The following CA8 variants were observed in gnomAD, a reference collection of about 807,000 sequenced individuals.
CA8 encodes carbonic anhydrase 8 (inactive).
Under a neutral mutation model 41.4 loss-of-function variants are expected in CA8, and 22 were observed. The observed-to-expected ratio is 0.53, with a 90% CI of 0.38 to 0.76. The LOEUF is 0.76. CA8 is among the 30% of genes least tolerant of loss of function. The pLI, the probability that CA8 is intolerant of heterozygous loss-of-function variation, is 0.00. For missense variants in CA8, 270 were observed against 352.8 expected, an observed-to-expected ratio of 0.77 and a Z score of 1.88; for synonymous variants, 121 against 130.6, an observed-to-expected ratio of 0.93 and a Z score of 0.50.
chr8:60,232,187 C>T, intron 4 of CA8, 97 bp downstream of exon 4: 3 of 876,012 alleles, frequency 3.4e-6, no homozygotes. Context: ...TGTGTAATTT[C>T]ATCTCTAAGC....
intron 7 of CA8, among the ~76,000 whole-genome samples, chr8:60,212,074 C>T (rs1018275057): frequency 9.9e-5 from 15 of 152,108 alleles, no homozygotes; most frequent in Non-Finnish European, 1.6e-4. Flanking sequence ...AAACTGAATG[C>T]GGGGCACCAA....
rs1157305337 is a variant in CA8, at chr8:60,189,800, G to A, written c.*221C>T. On this transcript the variant is annotated 3_prime_UTR_variant, in exon 9 of 9. Coordinates refer to ENST00000317995, the MANE Select transcript of CA8 (RefSeq NM_004056.6). ...CAGTAATGTGGATATATAATATAGG[G>A]TTTCTTTGGAATATACAGCCATTTC... 1 of 152,428 alleles carries A rather than the reference G, an allele frequency of 6.6e-6. No individual in the cohort carries two copies. Among genetic ancestry groups the A allele is most frequent in the African/African-American group, 2.4e-5 (1 of 41,398 alleles). The allele number at this position is 152,428 out of a possible 1,614,324, so 9.4% of individuals were successfully genotyped here.
Position 60,208,769 on chromosome 8 carries a change from T to C in CA8, c.*16A>G, listed in dbSNP as rs779019928. 7.5e-5 allele frequency: 121 copies of C among 1,614,036 alleles called. No individual in the cohort carries two copies. Among genetic ancestry groups the C allele is most frequent in the Non-Finnish European group, 9.8e-5 (116 of 1,180,008 alleles). ...ACATACCCTCATGAAGACAGACTTGTTCCTGTCCTCTTTGGCTACTGAAAT... is the reference window on the plus strand; with the variant it reads ...ACATACCCTCATGAAGACAGACTTGCTCCTGTCCTCTTTGGCTACTGAAAT... On this transcript the variant is annotated 3_prime_UTR_variant, in exon 8 of 9. Coordinates refer to ENST00000317995, the MANE Select transcript of CA8 (RefSeq NM_004056.6).
At chr8:60,280,834 G>A (rs896965326) in intron 1 of CA8, among the ~76,000 whole-genome samples, 5 of 152,210 alleles carry the variant, frequency 3.3e-5, no homozygotes, top group Admixed American at 6.5e-5. Context: ...TGAGAGCGCA[G>A]GCGGCGGAAG....
At chr8:60,259,446 T>G (rs1803658921) in intron 3 of CA8, among the ~76,000 whole-genome samples, 1 of 152,292 alleles carries the variant, frequency 6.6e-6, no homozygotes, top group Admixed American at 6.5e-5. Flanking sequence ...TTGTATATCC[T>G]CAAACAATGG....
intron 4 of CA8, among the ~76,000 whole-genome samples, chr8:60,227,922 A>G (rs969851674): frequency 6.6e-6 from 1 of 152,226 alleles, no homozygotes; most frequent in African/African-American, 2.4e-5. Context: ...AAATCTGACC[A>G]ATTTCCAGTG....
chr8:60,219,032 T>C (rs1437499521), intron 7 of CA8, among the ~76,000 whole-genome samples: 1 of 151,986 alleles, frequency 6.6e-6, no homozygotes, highest in Non-Finnish European at 1.5e-5. Flanking sequence ...AGAAGAGTCT[T>C]AGAAAGGATA....
At chr8:60,274,536 C>G (rs1001611211) in intron 2 of CA8, among the ~76,000 whole-genome samples, 1 of 152,104 alleles carries the variant, frequency 6.6e-6, no homozygotes, top group East Asian at 1.9e-4. Flanking sequence ...AAACTGAATC[C>G]CCAATGCAAC....
intron 3 of CA8, among the ~76,000 whole-genome samples, chr8:60,263,056 C>T (rs372176795): frequency 7.1e-4 from 108 of 152,216 alleles, no homozygotes; most frequent in African/African-American, 2.2e-3. Context: ...AAAAGCTGTT[C>T]CTGGCCAGGC....
At chr8:60,263,283 C>T (rs1803791955) in intron 3 of CA8, among the ~76,000 whole-genome samples, 2 of 148,874 alleles carry the variant, frequency 1.3e-5, no homozygotes, top group African/African-American at 5.0e-5. Context: ...GACTGTGCCA[C>T]TGCACTCTAG....
chr8:60,237,003 C>G (rs1807851767), intron 3 of CA8, among the ~76,000 whole-genome samples: 1 of 152,184 alleles, frequency 6.6e-6, no homozygotes, highest in Non-Finnish European at 1.5e-5. Context: ...ACAAGACTCA[C>G]TTCAAAGCCT....
At chr8:60,197,933 CA>C (rs1199708968) in intron 8 of CA8, among the ~76,000 whole-genome samples, 1 of 152,176 alleles carries the variant, frequency 6.6e-6, no homozygotes, top group Non-Finnish European at 1.5e-5. Flanking sequence ...ACCCAATCAA[CA>C]GTGCAAGCAC....
intron 3 of CA8, among the ~76,000 whole-genome samples, chr8:60,250,987 T>G (rs1167816826): frequency 1.3e-5 from 2 of 152,210 alleles, no homozygotes; most frequent in Non-Finnish European, 2.9e-5. Context: ...TTTATACATA[T>G]ATGGTATACA....
intron 7 of CA8, among the ~76,000 whole-genome samples, chr8:60,216,392 C>A (rs1210713629): frequency 6.6e-6 from 1 of 152,220 alleles, no homozygotes; most frequent in Non-Finnish European, 1.5e-5. Context: ...GCCCTCTGAA[C>A]AGATGCTATG....
chr8:60,201,813 CTTCA>C lies in CA8; in HGVS notation c.*35+6933_*35+6936del, dbSNP rs928633732. Among the ~76,000 whole-genome samples the C allele has an allele frequency of 1.4e-4, 21 of 152,224 alleles. 1 individual carries two copies. Among genetic ancestry groups the C allele is most frequent in the South Asian group, 4.1e-4 (2 of 4,824 alleles). ...GCTCTAGATTGGTCAACTAGGTTTACTTCATTATTTCCTAACCTAGAAGTTTTAA... is the reference window on the plus strand; with the variant it reads ...GCTCTAGATTGGTCAACTAGGTTTACTTATTTCCTAACCTAGAAGTTTTAA... On this transcript the variant is annotated intron_variant, in intron 8 of 8. Transcript: ENST00000317995.
chr8:60,232,526 C>T (rs1280345366), intron 3 of CA8, 147 bp from the exon 4 acceptor site: 9 of 716,212 alleles, frequency 1.3e-5, no homozygotes, highest in Middle Eastern at 2.8e-4. Context: ...TGGCTTAATA[C>T]GAGTTCTCTG....
chr8:60,278,384 C>T (rs1340193058), intron 2 of CA8, among the ~76,000 whole-genome samples: 1 of 152,214 alleles, frequency 6.6e-6, no homozygotes, highest in African/African-American at 2.4e-5. Context: ...TGGCACCTGA[C>T]ATGAAATGTA....
rs143254961 is a variant in CA8 at position 60,280,811 on chromosome 8, G to A, written c.100+237C>T. Among the ~76,000 whole-genome samples, 5,819 of 152,236 alleles carry A rather than the reference G, an allele frequency of 0.038. 168 individuals carry two copies. The highest frequency in any genetic ancestry group is 0.082 in the Middle Eastern group (24 of 294). ...AGCAGGTGCGAACGCCAGCCCTGCG[G>A]AAGGCTCCCGGGTGAGAGCGCAGGC... is the stretch of plus-strand genomic sequence containing the variant. On this transcript the variant is annotated intron_variant, in intron 1 of 8. Coordinates refer to ENST00000317995, the MANE Select transcript of CA8 (RefSeq NM_004056.6).
intron 2 of CA8, among the ~76,000 whole-genome samples, chr8:60,276,921 C>A (rs1181814847): frequency 6.6e-6 from 1 of 151,978 alleles, no homozygotes; most frequent in Non-Finnish European, 1.5e-5. Context: ...GAGTTTGAGA[C>A]CAGCCTGACC....
Sources: allele counts gnomAD v4.1 joint callset (sites outside exome capture counted in the v4.1 genomes callset), GRCh38; gene constraint gnomAD v4.1.1; transcripts MANE v1.5; gene names NCBI Gene and HGNC (gene_info 2026-07-23, HGNC 2026-07-21).